PPP6R3: variants seen among roughly 807,000 people sequenced by gnomAD.
PPP6R3 encodes serine/threonine-protein phosphatase 6 regulatory subunit 3.
In PPP6R3, 38 loss-of-function variants were observed where a neutral mutation model predicts 110.7. The ratio of observed to expected loss-of-function variants is 0.34; its 90% CI spans 0.26 to 0.45. The LOEUF (loss-of-function observed/expected upper bound fraction) is 0.45. PPP6R3 is among the 20% of genes least tolerant of loss of function. The pLI is 1.00. For synonymous variants in PPP6R3, 369 were observed against 373.5 expected (o/e 0.99, Z 0.14); for missense variants, 870 against 1,062.4 (o/e 0.82, Z 2.52).
At position 68,613,285 on chromosome 11, in the gene PPP6R3, C is replaced by CAGA; in HGVS notation, c.*171_*173dup. ...TTCTAAGACATTGTACAGAGAAATTCAGAAGTGTAAAAATATTGCACATTG... is the reference window on the plus strand; with the variant it reads ...TTCTAAGACATTGTACAGAGAAATTCAGAAGAAGTGTAAAAATATTGCACATTG... On this transcript the variant is annotated 3_prime_UTR_variant, in exon 24 of 24. Transcript: ENST00000393800. 2.9e-6 allele frequency: 4 copies of CAGA among 1,357,564 alleles called. No individual in the cohort carries two copies. The highest frequency in any genetic ancestry group is 2.8e-6 in the Non-Finnish European group (3 of 1,057,448). 84.1% of individuals were successfully genotyped at this position (1,357,564 alleles called of 1,614,324 possible).
At chr11:68,538,604 A>G (rs1281574981) in intron 3 of PPP6R3, among the ~76,000 whole-genome samples, 1 of 152,242 alleles carries the variant, frequency 6.6e-6, no homozygotes, top group Non-Finnish European at 1.5e-5. Flanking sequence ...TTAGGCTTTT[A>G]GTAGTGTCTC....
rs3740628 is a variant in PPP6R3 at position 68,613,947 on chromosome 11, A to G, written c.*830A>G. 0.36 allele frequency: 343,202 copies of G among 950,194 alleles called. 62,246 individuals are homozygous for G. The highest frequency in any genetic ancestry group is 0.6 in the African/African-American group (31,172 of 51,550). The allele number at this position is 950,194 out of a possible 1,614,324, so 58.9% of individuals were successfully genotyped here. Reference sequence around the variant, plus strand: ...TTGTTTTTGTTTGTTTTTTTGTTTCATTTGGTAGTTCATCTGCCTTTTAAC... The same window carrying G: ...TTGTTTTTGTTTGTTTTTTTGTTTCGTTTGGTAGTTCATCTGCCTTTTAAC... On this transcript the variant is annotated 3_prime_UTR_variant, in exon 24 of 24. Coordinates refer to ENST00000393800, the MANE Select transcript of PPP6R3 (RefSeq NM_001164161.2).
At chr11:68,519,312 G>A (rs539663184) in intron 1 of PPP6R3, among the ~76,000 whole-genome samples, 189 bp from the exon 2 acceptor site, 8 of 152,286 alleles carry the variant, frequency 5.3e-5, no homozygotes, top group Non-Finnish European at 8.8e-5. Flanking sequence ...AAAAGCTAAG[G>A]TAGAGAGATG....
intron 1 of PPP6R3, among the ~76,000 whole-genome samples, chr11:68,491,378 G>A (rs1478589366): frequency 7.6e-6 from 1 of 132,398 alleles, no homozygotes; most frequent in East Asian, 2.2e-4. Flanking sequence ...GTGTGTGTGT[G>A]TTTGAGACAG....
At position 68,569,818 on chromosome 11, in the gene PPP6R3, T is replaced by C; in HGVS notation, c.1199T>C (p.Leu400Pro). The C allele has an allele frequency of 1.2e-6, 2 of 1,611,522 alleles. No homozygotes were observed. Among genetic ancestry groups the C allele is most frequent in the Non-Finnish European group, 1.7e-6 (2 of 1,177,994 alleles). The change falls in exon 11 of 24, where the codon CTT (leucine) becomes CCT (proline). Residue 400 changes from leucine to proline, a missense_variant. Leu to Pro is a moderately conservative substitution (Grantham distance 98, BLOSUM62 -3). Coordinates refer to ENST00000393800, the MANE Select transcript of PPP6R3 (RefSeq NM_001164161.2). ...TQVEICIALI[L>P]ASPFENTENA... ...GTGGAAATTTGTATTGCACTGATTC[T>C]TGCAAGTCCTTTTGAAAACACAGAA...
intron 9 of PPP6R3, among the ~76,000 whole-genome samples, chr11:68,566,709 T>G (rs1003925333): frequency 1.3e-5 from 2 of 152,208 alleles, no homozygotes; most frequent in African/African-American, 4.8e-5. Context: ...AATATTGTAC[T>G]TTTTCCTAGG....
In PPP6R3 at chr11:68,614,156, G is replaced by A. The variant is rs1944719993; in HGVS notation, c.*1039G>A. The A allele has an allele frequency of 2.0e-6, 2 of 986,170 alleles. No homozygotes were observed. The highest frequency in any genetic ancestry group is 6.1e-5 in the Admixed American group (1 of 16,288). 61.1% of individuals were successfully genotyped at this position (986,170 alleles called of 1,614,324 possible). On this transcript the variant is annotated 3_prime_UTR_variant, in exon 24 of 24. Coordinates refer to ENST00000393800, the MANE Select transcript of PPP6R3 (RefSeq NM_001164161.2). ...TTTTAAAAGTAGAAATCAAAATCTG[G>A]CACCGAAGCATGCTAATTGTTTACT...
intron 2 of PPP6R3, among the ~76,000 whole-genome samples, chr11:68,529,552 C>G (rs2099224538): frequency 6.6e-6 from 1 of 152,186 alleles, no homozygotes; most frequent in Non-Finnish European, 1.5e-5. Flanking sequence ...CTCCTTAAGT[C>G]TAAACCAGTG....
intron 14 of PPP6R3, among the ~76,000 whole-genome samples, chr11:68,577,796 A>G (rs954795030): frequency 6.6e-6 from 1 of 152,072 alleles, no homozygotes; most frequent in Non-Finnish European, 1.5e-5. Flanking sequence ...TCCATCTGTC[A>G]CTCAGATTGC....
intron 1 of PPP6R3, among the ~76,000 whole-genome samples, chr11:68,471,107 C>T (rs1335872685): frequency 2.0e-5 from 3 of 151,468 alleles, no homozygotes; most frequent in Admixed American, 2.0e-4. Flanking sequence ...TGGTGAAACC[C>T]CGTCTCTACT....
chr11:68,534,632 C>T (rs1209227170), intron 2 of PPP6R3, among the ~76,000 whole-genome samples: 2 of 152,146 alleles, frequency 1.3e-5, no homozygotes, highest in Non-Finnish European at 2.9e-5. Context: ...GATTGGTGAA[C>T]GTATACCCTG....
At chr11:68,482,328 C>T (rs559389610) in intron 1 of PPP6R3, among the ~76,000 whole-genome samples, 2 of 151,110 alleles carry the variant, frequency 1.3e-5, no homozygotes, top group South Asian at 2.1e-4. Flanking sequence ...GCAGGAAAAC[C>T]GCTTGAACCC....
intron 1 of PPP6R3, among the ~76,000 whole-genome samples, chr11:68,502,101 T>G (rs943492295): frequency 6.6e-6 from 1 of 152,230 alleles, no homozygotes; most frequent in African/African-American, 2.4e-5. Context: ...GCTGGTACCC[T>G]CATGAAATGC....
chr11:68,592,485 G>C (rs1342173642), intron 18 of PPP6R3, among the ~76,000 whole-genome samples: 2 of 152,202 alleles, frequency 1.3e-5, no homozygotes, highest in East Asian at 3.8e-4. Context: ...GAGTCCCTCA[G>C]CATCACCTCT....
intron 1 of PPP6R3, among the ~76,000 whole-genome samples, chr11:68,481,913 G>T (rs953624020): frequency 6.6e-6 from 1 of 152,104 alleles, no homozygotes; most frequent in Non-Finnish European, 1.5e-5. Flanking sequence ...TTGAGATGAA[G>T]CAGCTGGGAA....
At chr11:68,504,083 G>T (rs925450677) in intron 1 of PPP6R3, among the ~76,000 whole-genome samples, 2 of 152,172 alleles carry the variant, frequency 1.3e-5, no homozygotes, top group Non-Finnish European at 2.9e-5. Flanking sequence ...TCCACTTCTG[G>T]AAATACTGGC....
At chr11:68,546,505 G>A (rs2099349881) in intron 4 of PPP6R3, among the ~76,000 whole-genome samples, 2 of 152,192 alleles carry the variant, frequency 1.3e-5, no homozygotes, top group Admixed American at 1.3e-4. Context: ...ACACTTCCCT[G>A]TCAGGACTGT....
rs1294352506 is a variant in PPP6R3, at chr11:68,613,625, T to TCTAA, written c.*511_*514dup. 1 of 985,846 alleles carries TCTAA rather than the reference T, an allele frequency of 1.0e-6. No homozygotes were observed. The highest frequency in any genetic ancestry group is 1.7e-5 in the African/African-American group (1 of 57,378). The allele number at this position is 985,846 out of a possible 1,614,324, so 61.1% of individuals were successfully genotyped here. On this transcript the variant is annotated 3_prime_UTR_variant, in exon 24 of 24. Coordinates refer to ENST00000393800, the MANE Select transcript of PPP6R3 (RefSeq NM_001164161.2). ...GCCCTCTAAGTGTTATTTTGGTTGT[T>TCTAA]CTAACTTACAAAAGTGATTTTGAAT... is the stretch of plus-strand genomic sequence containing the variant.
At chr11:68,535,600 A>G (rs2099265742) in intron 2 of PPP6R3, 1 of 152,056 alleles carries the variant, frequency 6.6e-6, no homozygotes, top group African/African-American at 2.4e-5. Context: ...AGACTTTTAT[A>G]ACACCCTTCA....
Sources: gnomAD v4.1 joint callset for allele counts (sites outside exome capture counted in the v4.1 genomes callset) on GRCh38, gnomAD v4.1.1 for gene constraint, MANE v1.5 for transcripts, NCBI Gene and HGNC (gene_info 2026-07-23, HGNC 2026-07-21) for gene names.